The following EIF2B3 variants were observed in gnomAD, a reference collection of about 807,000 sequenced individuals.
EIF2B3 encodes translation initiation factor eIF2B subunit gamma.
In EIF2B3, 20 loss-of-function variants were observed where a neutral mutation model predicts 54.1. The ratio of observed to expected loss-of-function variants is 0.37; its 90% CI spans 0.26 to 0.54. The LOEUF (loss-of-function observed/expected upper bound fraction) is 0.54. EIF2B3 is among the 20% of genes least tolerant of loss of function. EIF2B3 has a pLI of 0.86. For synonymous variants in EIF2B3, 153 were observed against 188.1 expected, an observed-to-expected ratio of 0.81 and a Z score of 1.52; for missense variants, 448 against 547.8, an observed-to-expected ratio of 0.82 and a Z score of 1.82.
Position 44,966,455 on chromosome 1 carries a change from A to C in EIF2B3, c.294+11860T>G, listed in dbSNP as rs910936790. Among the ~76,000 whole-genome samples the C allele has an allele frequency of 1.5e-3, 228 of 148,780 alleles. 1 individual carries two copies. The highest frequency in any genetic ancestry group is 2.9e-3 in the Non-Finnish European group (192 of 67,066). On this transcript the variant is annotated intron_variant, in intron 3 of 11. Transcript: ENST00000360403. ...CTCTGTCTCAAAAAAAAAAAAAAAA[A>C]AGAAGAAGAAGAAGCCTGGCACTAA...
At chr1:44,920,316 C>G (rs945680895) in intron 5 of EIF2B3, among the ~76,000 whole-genome samples, 1 of 151,984 alleles carries the variant, frequency 6.6e-6, no homozygotes, top group African/African-American at 2.4e-5. Context: ...GCATGCAATA[C>G]GTAATAATCA....
chr1:44,873,954 G>T (rs970300623), intron 10 of EIF2B3, among the ~76,000 whole-genome samples: 6 of 152,046 alleles, frequency 3.9e-5, no homozygotes, highest in East Asian at 1.9e-4. Flanking sequence ...CGGGCCAGAA[G>T]TGTTTTAGAT....
At chr1:44,950,777 C>T (rs1490762867) in intron 3 of EIF2B3, among the ~76,000 whole-genome samples, 3 of 152,168 alleles carry the variant, frequency 2.0e-5, no homozygotes, top group Non-Finnish European at 4.4e-5. Context: ...CAACCTCCAC[C>T]TCTGGGGTTC....
chr1:44,865,647 A>C (rs1057356454), intron 10 of EIF2B3, among the ~76,000 whole-genome samples: 3 of 151,788 alleles, frequency 2.0e-5, no homozygotes, highest in Non-Finnish European at 4.4e-5. Flanking sequence ...AATGGCGCGA[A>C]CTGGGCTCAC....
chr1:44,923,518 A>G (rs1201251000), intron 5 of EIF2B3, among the ~76,000 whole-genome samples: 1 of 152,226 alleles, frequency 6.6e-6, no homozygotes, highest in Non-Finnish European at 1.5e-5. Flanking sequence ...TAGCAGTTAT[A>G]AAATTTCACA....
intron 11 of EIF2B3, among the ~76,000 whole-genome samples, chr1:44,857,142 G>A (rs757020500): frequency 3.5e-4 from 53 of 152,260 alleles, no homozygotes; most frequent in Admixed American, 9.8e-4. Context: ...CTATTGATAT[G>A]TTTTCAAGGT....
intron 5 of EIF2B3, among the ~76,000 whole-genome samples, chr1:44,912,320 T>C (rs942439313): frequency 6.6e-6 from 1 of 152,230 alleles, no homozygotes; most frequent in African/African-American, 2.4e-5. Flanking sequence ...CTTGAGAGTC[T>C]TGAATTTAGC....
intron 2 of EIF2B3, among the ~76,000 whole-genome samples, chr1:44,980,010 C>A (rs758953427): frequency 6.6e-6 from 1 of 152,056 alleles, no homozygotes; most frequent in Admixed American, 6.6e-5. Context: ...TAAGCTACCA[C>A]CCTTCCTATT....
At chr1:44,882,753 T>G (rs1655444337) in intron 6 of EIF2B3, among the ~76,000 whole-genome samples, 1 of 151,864 alleles carries the variant, frequency 6.6e-6, no homozygotes, top group Non-Finnish European at 1.5e-5. Context: ...TAGCTGGGAC[T>G]ACAGGCACAT....
intron 8 of EIF2B3, among the ~76,000 whole-genome samples, chr1:44,876,577 G>GGT (rs1655162164): frequency 3.2e-5 from 1 of 30,912 alleles, no homozygotes; most frequent in Non-Finnish European, 5.5e-5. Context: ...GGGAGGTGGG[G>GGT]GTCAGCCCCC....
chr1:44,893,604 G>A (rs886672853), intron 6 of EIF2B3, among the ~76,000 whole-genome samples: 4 of 151,872 alleles, frequency 2.6e-5, no homozygotes, highest in African/African-American at 9.7e-5. Context: ...ATGAATATAT[G>A]TGAAAAGCAC....
Position 44,909,828 on chromosome 1 carries a change from C to A in EIF2B3, c.567-12384G>T, listed in dbSNP as rs865926410. ...TGGTTAGGAGCAGCAGAGGTACTAA[C>A]TTACATAAATAGTATTTCAAGACTC... is the stretch of plus-strand genomic sequence containing the variant. On this transcript the variant is annotated intron_variant, in intron 5 of 11. Coordinates refer to ENST00000360403, the MANE Select transcript of EIF2B3 (RefSeq NM_020365.5). Among the ~76,000 whole-genome samples the A allele has an allele frequency of 2.6e-4, 40 of 152,220 alleles. No individual in the cohort carries two copies. In the Middle Eastern group the frequency reaches 0.01, roughly 39 times the overall value.
intron 5 of EIF2B3, among the ~76,000 whole-genome samples, chr1:44,898,881 A>G (rs1656070028): frequency 6.6e-6 from 1 of 152,016 alleles, no homozygotes; most frequent in Non-Finnish European, 1.5e-5. Flanking sequence ...TGGTAGAGAC[A>G]AGGTCTCGCT....
At position 44,960,532 on chromosome 1, in the gene EIF2B3, C is replaced by T. The variant is rs182305633; in HGVS notation, c.294+17783G>A. On this transcript the variant is annotated intron_variant, in intron 3 of 11. Transcript: ENST00000360403. ...CGGGCGCCTGTAGTCCCAGCTACTCCGGAGGCTGAGGCAGGAGAATGGCGT... is the reference window on the plus strand; with the variant it reads ...CGGGCGCCTGTAGTCCCAGCTACTCTGGAGGCTGAGGCAGGAGAATGGCGT... Among the ~76,000 whole-genome samples, 299 of 151,770 alleles carry T rather than the reference C, an allele frequency of 2.0e-3. 2 individuals carry two copies. The highest frequency in any genetic ancestry group is 6.6e-3 in the African/African-American group (275 of 41,450).
At chr1:44,950,755 C>A (rs1297073321) in intron 3 of EIF2B3, among the ~76,000 whole-genome samples, 1 of 152,134 alleles carries the variant, frequency 6.6e-6, no homozygotes, top group African/African-American at 2.4e-5. Flanking sequence ...ATGGTGCGAT[C>A]TTGGCTCACT....
chr1:44,899,957 T>A (rs893462604), intron 5 of EIF2B3, among the ~76,000 whole-genome samples: 59 of 152,142 alleles, frequency 3.9e-4, no homozygotes, highest in Middle Eastern at 6.8e-3. Flanking sequence ...GTGGACTGGA[T>A]AAAGAAAATG....
intron 10 of EIF2B3, among the ~76,000 whole-genome samples, chr1:44,870,746 G>C (rs1654939782): frequency 6.6e-6 from 1 of 151,788 alleles, no homozygotes; most frequent in African/African-American, 2.4e-5. Flanking sequence ...TCTGCCTCCA[G>C]GGTTCAAGTG....
chr1:44,974,254 C>T (rs1644430800), intron 3 of EIF2B3, among the ~76,000 whole-genome samples: 1 of 150,524 alleles, frequency 6.6e-6, no homozygotes, highest in Non-Finnish European at 1.5e-5. Flanking sequence ...TTGGGGGTAT[C>T]ACTTCTGTCC....
intron 4 of EIF2B3, among the ~76,000 whole-genome samples, chr1:44,937,840 C>T (rs6673107): frequency 0.033 from 4,283 of 131,250 alleles, 230 homozygotes; most frequent in African/African-American, 0.12. Context: ...GCCGAGATCG[C>T]GCCACTGCAC....
Sources: gnomAD v4.1 joint callset for allele counts (sites outside exome capture counted in the v4.1 genomes callset) on GRCh38, gnomAD v4.1.1 for gene constraint, MANE v1.5 for transcripts, NCBI Gene and HGNC (gene_info 2026-07-23, HGNC 2026-07-21) for gene names.